DCDC2: variants seen among roughly 807,000 people sequenced by gnomAD.
DCDC2 encodes doublecortin domain containing 2.
In DCDC2, 40 loss-of-function variants were observed where a neutral mutation model predicts 50.2. The observed-to-expected ratio is 0.80, with a 90% CI of 0.62 to 1.04. DCDC2 has a LOEUF of 1.04. Among genes scored for constraint, DCDC2 ranks in the 50% least tolerant of loss-of-function variants. DCDC2 has a pLI of 0.00. For synonymous variants in DCDC2, 234 were observed against 210.6 expected, an observed-to-expected ratio of 1.11 and a Z score of -0.96; for missense variants, 570 against 581.9, an observed-to-expected ratio of 0.98 and a Z score of 0.21.
intron 2 of DCDC2, among the ~76,000 whole-genome samples, chr6:24,331,585 T>C (rs1759966450): frequency 6.6e-6 from 1 of 152,274 alleles, no homozygotes; most frequent in African/African-American, 2.4e-5. Context: ...TATATCTAAA[T>C]AGATATTTGA....
intron 7 of DCDC2, among the ~76,000 whole-genome samples, chr6:24,241,011 C>T (rs779097869): frequency 1.6e-4 from 25 of 152,266 alleles, no homozygotes; most frequent in African/African-American, 5.5e-4. Context: ...CAGGCTTCCT[C>T]GGGTAAAGTC....
At chr6:24,337,597 C>T (rs1052808201) in intron 2 of DCDC2, among the ~76,000 whole-genome samples, 11 of 151,922 alleles carry the variant, frequency 7.2e-5, no homozygotes, top group Admixed American at 2.0e-4. Flanking sequence ...CATTCAAGAC[C>T]GAGGTGGCCA....
intron 7 of DCDC2, among the ~76,000 whole-genome samples, chr6:24,253,942 T>C (rs979607111): frequency 6.6e-6 from 1 of 152,226 alleles, no homozygotes; most frequent in Non-Finnish European, 1.5e-5. Flanking sequence ...TTTTTAATTT[T>C]TTAACTTGAC....
At chr6:24,299,099 A>G (rs1257882332) in intron 4 of DCDC2, among the ~76,000 whole-genome samples, 1 of 152,340 alleles carries the variant, frequency 6.6e-6, no homozygotes, top group South Asian at 2.1e-4. Flanking sequence ...GTGCTCCATC[A>G]ATGGTGGGCT....
At chr6:24,204,601 A>C (rs1023037107) in intron 8 of DCDC2, among the ~76,000 whole-genome samples, 11 of 152,194 alleles carry the variant, frequency 7.2e-5, no homozygotes, top group African/African-American at 2.4e-4. Flanking sequence ...CACGTTCTGC[A>C]CATGTATGCC....
intron 6 of DCDC2, among the ~76,000 whole-genome samples, chr6:24,283,525 T>C (rs963700540): frequency 2.6e-5 from 4 of 151,920 alleles, no homozygotes; most frequent in Non-Finnish European, 5.9e-5. Flanking sequence ...TAGGGAAAAA[T>C]AAATTTCTAA....
At chr6:24,221,431 G>A (rs551950065) in intron 7 of DCDC2, among the ~76,000 whole-genome samples, 10 of 152,252 alleles carry the variant, frequency 6.6e-5, no homozygotes, top group Non-Finnish European at 7.4e-5. Flanking sequence ...AAGACACAAC[G>A]TGATGGCCAC....
intron 7 of DCDC2, among the ~76,000 whole-genome samples, chr6:24,272,544 G>A (rs1763260235): frequency 6.6e-6 from 1 of 152,132 alleles, no homozygotes; most frequent in Admixed American, 6.5e-5. Context: ...CCATTAAAAA[G>A]TGGGCAAAGG....
intron 8 of DCDC2, among the ~76,000 whole-genome samples, chr6:24,184,981 G>A (rs1227931501): frequency 6.6e-6 from 1 of 152,194 alleles, no homozygotes; most frequent in Non-Finnish European, 1.5e-5. Context: ...CATATTACCA[G>A]TGCTTGCTGA....
chr6:24,224,362 TG>T (rs1379453708), intron 7 of DCDC2, among the ~76,000 whole-genome samples: 1 of 152,198 alleles, frequency 6.6e-6, no homozygotes, highest in Non-Finnish European at 1.5e-5. Flanking sequence ...TGTATGCAAC[TG>T]GGCACACTAT....
intron 8 of DCDC2, among the ~76,000 whole-genome samples, chr6:24,203,269 T>G (rs898070518): frequency 6.6e-6 from 1 of 152,234 alleles, no homozygotes; most frequent in African/African-American, 2.4e-5. Context: ...AACAGCATGA[T>G]GCTGGTACCA....
At chr6:24,355,846 T>C (rs1760457705) in intron 1 of DCDC2, among the ~76,000 whole-genome samples, 3 of 152,186 alleles carry the variant, frequency 2.0e-5, no homozygotes, top group Admixed American at 2.0e-4. Flanking sequence ...AAGGATTACA[T>C]TCAAGAATTT....
chr6:24,340,472 G>T (rs1760134962), intron 2 of DCDC2, among the ~76,000 whole-genome samples: 1 of 152,068 alleles, frequency 6.6e-6, no homozygotes, highest in Non-Finnish European at 1.5e-5. Context: ...AACAAGCTAT[G>T]CATTTGCAAA....
intron 7 of DCDC2, among the ~76,000 whole-genome samples, chr6:24,258,482 G>C (rs1762941628): frequency 6.6e-6 from 1 of 152,014 alleles, no homozygotes; most frequent in African/African-American, 2.4e-5. Context: ...TACAATCCTA[G>C]CTACAGAGTG....
chr6:24,380,208 C>G, the DCDC2 span, among the ~76,000 whole-genome samples: 1 of 151,990 alleles, frequency 6.6e-6, no homozygotes, highest in African/African-American at 2.4e-5. Context: ...TAAAAGTCAA[C>G]CAAGGTTAGG....
chr6:24,206,894 T>C (rs1761726423), intron 7 of DCDC2, among the ~76,000 whole-genome samples: 1 of 152,116 alleles, frequency 6.6e-6, no homozygotes, highest in Admixed American at 6.6e-5. Context: ...AGGGAGGATG[T>C]GTTTATCAGT....
chr6:24,195,136 C>G (rs1396667456), intron 8 of DCDC2, among the ~76,000 whole-genome samples: 1 of 152,102 alleles, frequency 6.6e-6, no homozygotes, highest in Non-Finnish European at 1.5e-5. Context: ...TGAAGCTGCA[C>G]TCTGCTAGCA....
intron 7 of DCDC2, among the ~76,000 whole-genome samples, chr6:24,216,992 G>A (rs1761996512): frequency 6.6e-6 from 1 of 152,134 alleles, no homozygotes; most frequent in African/African-American, 2.4e-5. Flanking sequence ...CTGCAGAGCA[G>A]CACACATCCA....
chr6:24,214,759 A>C (rs1331381428), intron 7 of DCDC2, among the ~76,000 whole-genome samples: 1 of 152,200 alleles, frequency 6.6e-6, no homozygotes, highest in Non-Finnish European at 1.5e-5. Context: ...TTCTCTTCTT[A>C]ATTCTGGTTA....
Sources: gnomAD v4.1 joint callset for allele counts (sites outside exome capture counted in the v4.1 genomes callset) on GRCh38, gnomAD v4.1.1 for gene constraint, MANE v1.5 for transcripts, NCBI Gene and HGNC (gene_info 2026-07-23, HGNC 2026-07-21) for gene names.